DYNC2H1: variants seen among roughly 807,000 people sequenced by gnomAD.
The protein encoded by DYNC2H1 is cytoplasmic dynein 2 heavy chain 1.
Under a neutral mutation model 570.0 loss-of-function variants are expected in DYNC2H1, and 410 were observed. The observed-to-expected ratio is 0.72, with a 90% CI of 0.66 to 0.78. The LOEUF is 0.78. DYNC2H1 is among the 30% of genes least tolerant of loss of function. The probability of loss-of-function intolerance (pLI) is 0.00; values close to 1 mark genes in which losing one functional copy is unlikely to be tolerated. For missense variants in DYNC2H1, 4,865 were observed against 5,046.4 expected, an observed-to-expected ratio of 0.96 and a Z score of 1.09; for synonymous variants, 1,688 against 1,677.6, an observed-to-expected ratio of 1.01 and a Z score of -0.15.
chr11:103,337,153 A>T (rs1013011508), intron 82 of DYNC2H1, among the ~76,000 whole-genome samples: 2 of 152,234 alleles, frequency 1.3e-5, no homozygotes, highest in Non-Finnish European at 2.9e-5. Flanking sequence ...GCTGCAGATA[A>T]CTAGCCAGAG....
At chr11:103,459,514 G>A (rs888742914) in intron 87 of DYNC2H1, among the ~76,000 whole-genome samples, 1 of 152,036 alleles carries the variant, frequency 6.6e-6, no homozygotes, top group African/African-American at 2.4e-5. Flanking sequence ...TTTCTGAAGG[G>A]TTGAGCGCCT....
chr11:103,144,048 C>G (rs1334064698), intron 18 of DYNC2H1, among the ~76,000 whole-genome samples: 2 of 152,100 alleles, frequency 1.3e-5, no homozygotes, highest in Non-Finnish European at 2.9e-5. Flanking sequence ...AAACTTTGTG[C>G]TTTAGGAGTA....
intron 4 of DYNC2H1, among the ~76,000 whole-genome samples, chr11:103,116,181 G>T (rs1449150126): frequency 6.6e-6 from 1 of 152,088 alleles, no homozygotes; most frequent in Non-Finnish European, 1.5e-5. Flanking sequence ...GACTGTGGTT[G>T]TGTTATTCTT....
intron 36 of DYNC2H1, 101 bp downstream of exon 36, chr11:103,174,271 A>G (rs1279904551): frequency 1.0e-6 from 1 of 952,484 alleles, no homozygotes. Context: ...TACAATATTA[A>G]GGATTACTGT....
At position 103,243,300 on chromosome 11, in the gene DYNC2H1, GATA is replaced by G. The variant is rs1864490825; in HGVS notation, c.9820-392_9820-390del. ...AGATAGATAGATAGATAGATAGATAGATAGATAAATAGAGAATAATTTGACTGT... is the reference window on the plus strand; with the variant it reads ...AGATAGATAGATAGATAGATAGATAGGATAAATAGAGAATAATTTGACTGT... On this transcript the variant is annotated intron_variant, in intron 63 of 88. Coordinates refer to ENST00000375735, the MANE Select transcript of DYNC2H1 (RefSeq NM_001377.3). The surrounding 1 kb of genome is among the most constrained non-coding windows in gnomAD (Gnocchi z 4.8). Among the ~76,000 whole-genome samples the G allele has an allele frequency of 1.2e-5, 1 of 81,396 alleles. No homozygotes were observed. The highest frequency in any genetic ancestry group is 3.5e-4 in the East Asian group (1 of 2,836). 53.4% of individuals were successfully genotyped at this position (81,396 alleles called of 152,430 possible).
Position 103,152,119 on chromosome 11 carries a change from T to G in DYNC2H1, c.2947-17T>G. 6.4e-7 allele frequency: 1 copy of G among 1,574,232 alleles called. No homozygotes were observed. ...ATAGGTTGTTATTCAATTTGTTTTT[T>G]TTTTTTTAACCTTTAGATTTTGCCC... On this transcript the variant is annotated splice_polypyrimidine_tract_variant and intron_variant, in intron 20 of 88. Coordinates refer to ENST00000375735, the MANE Select transcript of DYNC2H1 (RefSeq NM_001377.3).
chr11:103,365,799 A>G (rs1940878769), intron 83 of DYNC2H1, among the ~76,000 whole-genome samples: 1 of 152,220 alleles, frequency 6.6e-6, no homozygotes, highest in Admixed American at 6.5e-5. Flanking sequence ...TGTTTGAGCT[A>G]TGTTCAGATT....
At position 103,255,970 on chromosome 11, in the gene DYNC2H1, G is replaced by T. The variant is rs600202; in HGVS notation, c.10327-136G>T. 49,421 of 665,256 alleles carry T rather than the reference G, an allele frequency of 0.074. 2,209 individuals are homozygous for T. The highest frequency in any genetic ancestry group is 0.14 in the East Asian group (4,629 of 32,036). The allele number at this position is 665,256 out of a possible 1,614,324, so 41.2% of individuals were successfully genotyped here. On this transcript the variant is annotated intron_variant, in intron 67 of 88. Coordinates refer to ENST00000375735, the MANE Select transcript of DYNC2H1 (RefSeq NM_001377.3). ...AAAAACAGAATAAAACTTTAAGAGG[G>T]CTATAAAATGTTGAAATTCTTCTAA...
chr11:103,122,219 G>C (rs1156672815), intron 10 of DYNC2H1, among the ~76,000 whole-genome samples: 1 of 152,148 alleles, frequency 6.6e-6, no homozygotes, highest in East Asian at 1.9e-4. Flanking sequence ...ATTGATTATA[G>C]TCTGTGAGTA....
Position 103,334,375 on chromosome 11 carries a change from T to C in DYNC2H1, c.12039+10385T>C, listed in dbSNP as rs1033777727. On this transcript the variant is annotated intron_variant, in intron 82 of 88. Coordinates refer to ENST00000375735, the MANE Select transcript of DYNC2H1 (RefSeq NM_001377.3). The surrounding 1 kb of genome is among the most constrained non-coding windows in gnomAD (Gnocchi z 4.3). Reference sequence around the variant, plus strand: ...TAGAACAGAATTTGGCTACAAGGAATATCTGTTGTAAATCAATTATAAATT... The same window carrying C: ...TAGAACAGAATTTGGCTACAAGGAACATCTGTTGTAAATCAATTATAAATT... 8.5e-5 allele frequency among the ~76,000 whole-genome samples: 13 copies of C among 152,192 alleles called. No individual in the cohort carries two copies. The highest frequency in any genetic ancestry group is 1.8e-4 in the Non-Finnish European group (12 of 68,002).
chr11:103,402,758 G>A (rs765142701), intron 84 of DYNC2H1: 2 of 152,134 alleles, frequency 1.3e-5, no homozygotes, highest in Non-Finnish European at 2.9e-5. Context: ...AAGTGTATTA[G>A]TAGGTGGCCA....
chr11:103,160,639 T>C (rs1861052361), intron 28 of DYNC2H1, among the ~76,000 whole-genome samples: 1 of 151,972 alleles, frequency 6.6e-6, no homozygotes, highest in South Asian at 2.1e-4. Flanking sequence ...AACAAACATA[T>C]ATAGAAATAT....
chr11:103,263,404 G>A (rs9633979), intron 70 of DYNC2H1, among the ~76,000 whole-genome samples: 60,951 of 151,882 alleles, frequency 0.4, 12,516 homozygotes, highest in African/African-American at 0.47. Context: ...TCAACAGAAT[G>A]TACATTTTTC....
chr11:103,182,581 A>C (rs1861898101), intron 40 of DYNC2H1, among the ~76,000 whole-genome samples: 1 of 151,884 alleles, frequency 6.6e-6, no homozygotes, highest in Non-Finnish European at 1.5e-5. Context: ...GGATGAAGAG[A>C]ATATTGCTGT....
chr11:103,250,851 T>A (rs1194139913), intron 65 of DYNC2H1, among the ~76,000 whole-genome samples: 1 of 152,068 alleles, frequency 6.6e-6, no homozygotes, highest in Non-Finnish European at 1.5e-5. Context: ...TCTAGTTACA[T>A]ATTTGTTATT....
intron 82 of DYNC2H1, among the ~76,000 whole-genome samples, chr11:103,331,069 A>C (rs1938761624): frequency 6.6e-6 from 1 of 152,216 alleles, no homozygotes. Flanking sequence ...CAAAAATATG[A>C]AATCTAAGGA....
intron 30 of DYNC2H1, among the ~76,000 whole-genome samples, chr11:103,165,246 G>A (rs1011959145): frequency 3.9e-5 from 6 of 152,146 alleles, no homozygotes; most frequent in African/African-American, 1.2e-4. Context: ...TCGTGCTTCA[G>A]CCTCCTAAGT....
intron 85 of DYNC2H1, among the ~76,000 whole-genome samples, chr11:103,449,568 A>T (rs1305397985): frequency 6.6e-6 from 1 of 152,246 alleles, no homozygotes; most frequent in Non-Finnish European, 1.5e-5. Flanking sequence ...CGTAATCAAT[A>T]AGCCAAGAGT....
intron 88 of DYNC2H1, among the ~76,000 whole-genome samples, chr11:103,469,229 G>A (rs1467181390): frequency 1.3e-5 from 2 of 152,198 alleles, no homozygotes; most frequent in African/African-American, 4.8e-5. Context: ...ATAGGTGGAT[G>A]AAGAAAACAA....
Sources: allele counts gnomAD v4.1 joint callset (sites outside exome capture counted in the v4.1 genomes callset), GRCh38; gene constraint gnomAD v4.1.1; non-coding constraint Gnocchi (gnomAD v3.1); transcripts MANE v1.5; gene names NCBI Gene and HGNC (gene_info 2026-07-23, HGNC 2026-07-21).